Variants in LYZL2 observed in about 807,000 individuals in gnomAD.
LYZL2 encodes the protein lysozyme-like protein 2.
Under a neutral mutation model 17.1 loss-of-function variants are expected in LYZL2, and 13 were observed. The observed-to-expected ratio is 0.76, with a 90% CI of 0.49 to 1.21. The LOEUF is 1.21. Ranked by LOEUF, LYZL2 falls within the 50% of genes most tolerant of loss-of-function variation. LYZL2 has a pLI of 0.00. For synonymous variants in LYZL2, 63 were observed against 74.4 expected, an observed-to-expected ratio of 0.85 and a Z score of 0.79; for missense variants, 166 against 189.2, an observed-to-expected ratio of 0.88 and a Z score of 0.72.
downstream of LYZL2, among the ~76,000 whole-genome samples, chr10:30,608,498 T>C (rs980928903): frequency 6.6e-5 from 10 of 152,170 alleles, no homozygotes; most frequent in Admixed American, 5.2e-4. Context: ...AGTGGCTATA[T>C]GGAACGCAGG....
chr10:30,610,503 T>G (rs1355626230), downstream of LYZL2, among the ~76,000 whole-genome samples: 1 of 151,862 alleles, frequency 6.6e-6, no homozygotes, highest in Non-Finnish European at 1.5e-5. Flanking sequence ...TGAGAACACA[T>G]GGACACTGGG....
At chr10:30,614,362 C>T (rs1838495205) in intron 3 of LYZL2, among the ~76,000 whole-genome samples, 1 of 152,234 alleles carries the variant, frequency 6.6e-6, no homozygotes, top group Non-Finnish European at 1.5e-5. Context: ...GAGCACTGCC[C>T]ATCAGAGTGG....
chr10:30,609,468 A>G (rs778605766), downstream of LYZL2, among the ~76,000 whole-genome samples: 32 of 152,352 alleles, frequency 2.1e-4, no homozygotes, highest in South Asian at 6.2e-4. Flanking sequence ...AGGAATCAAG[A>G]GAAAATTGCA....
intron 1 of LYZL2, among the ~76,000 whole-genome samples, chr10:30,627,397 C>T (rs922608935): frequency 6.6e-6 from 1 of 151,742 alleles, no homozygotes; most frequent in Non-Finnish European, 1.5e-5. Flanking sequence ...ACCAACCCCT[C>T]CTCTTCCTCC....
Position 30,612,882 on chromosome 10 carries a change from A to C in LYZL2, c.317T>G (p.Leu106Arg). The change falls in exon 4 of 5, where the codon CTC becomes CGC. Residue 106 changes from leucine to arginine, a missense_variant. Leu to Arg is a moderately radical substitution (Grantham distance 102). Around this residue, in one of 2 missense-constraint regions of LYZL2, gnomAD observed 134 missense variants for 129.4 expected, o/e 1.04. Coordinates refer to ENST00000647634, the MANE Select transcript of LYZL2 (RefSeq NM_183058.3). ...VACSALVTDD[L>R]TDAIICAKKI... ...CTTGGCACAGATAATCGCATCTGTG[A>C]GGTCATCAGTGACCAAGGCTGTAAA... The C allele has an allele frequency of 6.2e-7, 1 of 1,613,898 alleles. No homozygotes were observed. Among genetic ancestry groups the C allele is most frequent in the East Asian group, 2.2e-5 (1 of 44,892 alleles).
intron 3 of LYZL2, among the ~76,000 whole-genome samples, chr10:30,618,986 A>T (rs1838577552): frequency 6.6e-6 from 1 of 152,238 alleles, no homozygotes; most frequent in South Asian, 2.1e-4. Context: ...ACAAGAAAAA[A>T]ACAAACAACC....
downstream of LYZL2, among the ~76,000 whole-genome samples, chr10:30,611,562 GGAAGGAAGGAAAGAAAGAAAGAAA>G (rs1838436486): frequency 1.2e-5 from 1 of 83,802 alleles, no homozygotes; most frequent in Non-Finnish European, 2.3e-5. Flanking sequence ...AAGGAAGGAA[GGAAGGAAGGAAAGAAAGAAAGAAA>G]GAAAGAAAGA....
At chr10:30,618,488 A>G (rs1447199702) in intron 3 of LYZL2, among the ~76,000 whole-genome samples, 1 of 152,242 alleles carries the variant, frequency 6.6e-6, no homozygotes, top group Non-Finnish European at 1.5e-5. Context: ...ATATAGATCA[A>G]TGGAACAGAA....
rs1177553415 is a variant in LYZL2, at chr10:30,626,016, T to G, written c.298+89A>C. ...TATTTGCAAGTCTGAACTCCAAATT[T>G]TAGTTAAAGCAAGACATGGTTGGTG... On this transcript the variant is annotated intron_variant, in intron 3 of 4. Transcript: ENST00000647634. 2.6e-6 allele frequency: 4 copies of G among 1,534,890 alleles called. No homozygotes were observed. The African/African-American group carries it at 5.5e-5, about 21-fold the overall frequency.
intron 1 of LYZL2, among the ~76,000 whole-genome samples, chr10:30,627,880 C>T (rs1295270003): frequency 6.6e-6 from 1 of 152,232 alleles, no homozygotes; most frequent in Non-Finnish European, 1.5e-5. Context: ...ATCGTCTAGG[C>T]CAGGCGCGGT....
Position 30,611,926 on chromosome 10 carries a change from C to T in LYZL2, c.*29G>A. On this transcript the variant is annotated 3_prime_UTR_variant, in exon 5 of 5. Coordinates refer to ENST00000647634, the MANE Select transcript of LYZL2 (RefSeq NM_183058.3). Reference sequence around the variant, plus strand: ...ATTCACTGCAAACCCTAGGGCGTTGCTGCAAAGCATCCTGGGTCCAGTTCC... The same window carrying T: ...ATTCACTGCAAACCCTAGGGCGTTGTTGCAAAGCATCCTGGGTCCAGTTCC... 1 of 1,614,156 alleles carries T rather than the reference C, an allele frequency of 6.2e-7. No individual in the cohort carries two copies.
At chr10:30,620,417 T>G (rs1838602235) in intron 3 of LYZL2, among the ~76,000 whole-genome samples, 1 of 152,240 alleles carries the variant, frequency 6.6e-6, no homozygotes, top group Non-Finnish European at 1.5e-5. Flanking sequence ...CTTGATATCT[T>G]CCTCTCTCAG....
At chr10:30,620,893 G>A (rs1276602158) in intron 3 of LYZL2, among the ~76,000 whole-genome samples, 2 of 151,284 alleles carry the variant, frequency 1.3e-5, no homozygotes, top group Admixed American at 1.3e-4. Context: ...CCGACTTGAA[G>A]ACATAATAAT....
chr10:30,610,271 G>A (rs1001588018), downstream of LYZL2, among the ~76,000 whole-genome samples: 2 of 152,140 alleles, frequency 1.3e-5, no homozygotes, highest in Admixed American at 6.5e-5. Flanking sequence ...TGGATGTTGG[G>A]GGTAAGAGCT....
chr10:30,621,140 C>T (rs1379397213), intron 3 of LYZL2, among the ~76,000 whole-genome samples: 1 of 152,110 alleles, frequency 6.6e-6, no homozygotes, highest in Non-Finnish European at 1.5e-5. Context: ...TATCACACAT[C>T]ATCGAATTGC....
intron 2 of LYZL2, among the ~76,000 whole-genome samples, chr10:30,626,566 A>G (rs1305613685): frequency 1.1e-4 from 17 of 152,242 alleles, no homozygotes; most frequent in African/African-American, 4.1e-4. Context: ...CTAGTGTCAT[A>G]AGGACAGGAC....
At chr10:30,628,698 G>T (rs1215499008) in intron 1 of LYZL2, among the ~76,000 whole-genome samples, 2 of 152,294 alleles carry the variant, frequency 1.3e-5, no homozygotes, top group Non-Finnish European at 2.9e-5. Context: ...CCTGGGGCTG[G>T]ATTCCTGCAT....
chr10:30,612,778 G>C (rs747505426), intron 4 of LYZL2, 44 bp downstream of exon 4: 7 of 1,435,822 alleles, frequency 4.9e-6, no homozygotes, highest in Non-Finnish European at 6.8e-6. Context: ...CACACACTAG[G>C]TTTTGCCCAT....
intron 3 of LYZL2, among the ~76,000 whole-genome samples, chr10:30,616,194 C>T (rs1048697007): frequency 1.3e-5 from 2 of 151,990 alleles, no homozygotes; most frequent in African/African-American, 4.8e-5. Context: ...AGAAGATAAA[C>T]GTAGTGATAG....
Sources: gnomAD v4.1 joint callset for allele counts (sites outside exome capture counted in the v4.1 genomes callset) on GRCh38, gnomAD v4.1.1 for gene constraint, gnomAD v4.1.1 regional missense constraint, MANE v1.5 for transcripts, NCBI Gene and HGNC (gene_info 2026-07-23, HGNC 2026-07-21) for gene names.